Variants in ALK observed in about 807,000 individuals in gnomAD.
ALK encodes the protein ALK tyrosine kinase receptor.
In ALK, 74 loss-of-function variants were observed where a neutral mutation model predicts 163.1. That is an observed-to-expected ratio of 0.45 (90% CI 0.38 to 0.55). The LOEUF is 0.55. Ranked by LOEUF, ALK falls within the 20% of genes least tolerant of loss-of-function variation. The pLI is 0.00. For synonymous variants in ALK, 960 were observed against 843.2 expected (o/e 1.14, Z -2.40); for missense variants, 2,063 against 2,105.3 (o/e 0.98, Z 0.39).
At chr2:29,871,072 G>T (rs151306663) in intron 1 of ALK, among the ~76,000 whole-genome samples, 1 of 152,220 alleles carries the variant, frequency 6.6e-6, no homozygotes, top group African/African-American at 2.4e-5. Context: ...TGTGGGGACA[G>T]AAATGTCTGG....
intron 3 of ALK, among the ~76,000 whole-genome samples, chr2:29,586,264 T>A (rs928323459): frequency 6.6e-6 from 1 of 152,126 alleles, no homozygotes; most frequent in Non-Finnish European, 1.5e-5. Flanking sequence ...ATGTGAGGCT[T>A]TCATACATAT....
At chr2:29,505,944 C>T (rs945467653) in intron 4 of ALK, among the ~76,000 whole-genome samples, 5 of 152,126 alleles carry the variant, frequency 3.3e-5, no homozygotes, top group Admixed American at 6.6e-5. Flanking sequence ...CACATGGACT[C>T]GTGCAGCAAT....
At chr2:29,862,497 A>G (rs1666321560) in intron 1 of ALK, among the ~76,000 whole-genome samples, 1 of 152,168 alleles carries the variant, frequency 6.6e-6, no homozygotes, top group Non-Finnish European at 1.5e-5. Flanking sequence ...TCTATATACT[A>G]ATAATGAACT....
rs1167680611 is a variant in ALK, at chr2:29,921,522, C to T, written c.-863G>A. On this transcript the variant is annotated 5_prime_UTR_variant, in exon 1 of 29. Transcript: ENST00000389048. Reference sequence around the variant, plus strand: ...CCTCGGTGCCCCGCGACCCTCCGAACAGAGGCGGCGGGAGGTACCAGCTGC... The same window carrying T: ...CCTCGGTGCCCCGCGACCCTCCGAATAGAGGCGGCGGGAGGTACCAGCTGC... The T allele has an allele frequency of 4.3e-6, 1 of 231,870 alleles. No homozygotes were observed. Among genetic ancestry groups the T allele is most frequent in the Non-Finnish European group, 8.5e-6 (1 of 117,148 alleles). The allele number at this position is 231,870 out of a possible 1,614,324, so 14.4% of individuals were successfully genotyped here.
intron 18 of ALK, among the ~76,000 whole-genome samples, chr2:29,225,918 C>A (rs747994074): frequency 3.3e-5 from 5 of 152,082 alleles, no homozygotes; most frequent in South Asian, 4.2e-4. Flanking sequence ...CAACAGGGTG[C>A]GCTGTAAGTA....
chr2:29,438,526 A>G (rs1670459171), intron 4 of ALK, among the ~76,000 whole-genome samples: 1 of 152,256 alleles, frequency 6.6e-6, no homozygotes, highest in South Asian at 2.1e-4. Context: ...GACAAGTTTA[A>G]TATTTTTTTA....
chr2:29,351,574 A>G (rs551496284), intron 5 of ALK, among the ~76,000 whole-genome samples: 1 of 152,328 alleles, frequency 6.6e-6, no homozygotes, highest in African/African-American at 2.4e-5. Flanking sequence ...GACTGGCCAC[A>G]CCTGTGACTT....
intron 1 of ALK, among the ~76,000 whole-genome samples, chr2:29,856,969 G>A (rs1187125147): frequency 6.6e-6 from 1 of 152,202 alleles, no homozygotes; most frequent in Non-Finnish European, 1.5e-5. Context: ...TTAGTTGTCT[G>A]TGTGTAAGTG....
At chr2:29,746,244 G>A (rs560955603) in intron 1 of ALK, among the ~76,000 whole-genome samples, 1 of 152,078 alleles carries the variant, frequency 6.6e-6, no homozygotes, top group South Asian at 2.1e-4. Flanking sequence ...GCCAACTATG[G>A]GTTTCTTTAA....
At chr2:29,467,769 G>C (rs1344734509) in intron 4 of ALK, among the ~76,000 whole-genome samples, 1 of 152,110 alleles carries the variant, frequency 6.6e-6, no homozygotes, top group Non-Finnish European at 1.5e-5. Flanking sequence ...GTTTTCCAGA[G>C]GCTACCTGAC....
At chr2:29,536,023 T>C (rs1313131431) in intron 3 of ALK, among the ~76,000 whole-genome samples, 1 of 152,172 alleles carries the variant, frequency 6.6e-6, no homozygotes. Context: ...AGGGCTCCTG[T>C]ACTAGCATCA....
chr2:29,563,891 C>T (rs1674096833), intron 3 of ALK, among the ~76,000 whole-genome samples: 1 of 152,194 alleles, frequency 6.6e-6, no homozygotes, highest in Non-Finnish European at 1.5e-5. Context: ...TGACCAAGGG[C>T]AAAGAAGTTA....
At chr2:29,780,459 A>G (rs1223766451) in intron 1 of ALK, among the ~76,000 whole-genome samples, 1 of 152,248 alleles carries the variant, frequency 6.6e-6, no homozygotes, top group African/African-American at 2.4e-5. Flanking sequence ...AGAACTGAGC[A>G]TGGAACAAAA....
chr2:29,758,084 C>A (rs1436557383), intron 1 of ALK, among the ~76,000 whole-genome samples: 2 of 145,852 alleles, frequency 1.4e-5, no homozygotes, highest in Non-Finnish European at 3.0e-5. Flanking sequence ...GATCTTGGCT[C>A]ACTGCAACCT....
At chr2:29,471,008 T>C (rs1671334630) in intron 4 of ALK, among the ~76,000 whole-genome samples, 1 of 152,166 alleles carries the variant, frequency 6.6e-6, no homozygotes, top group Admixed American at 6.5e-5. Flanking sequence ...AGATATACTC[T>C]AATGGTCACT....
At chr2:29,560,615 A>T (rs1673994000) in intron 3 of ALK, among the ~76,000 whole-genome samples, 1 of 150,656 alleles carries the variant, frequency 6.6e-6, no homozygotes, top group African/African-American at 2.5e-5. Flanking sequence ...TCTGTTGCCC[A>T]GGCTGGAGTG....
chr2:29,522,884 A>T (rs1277656296), intron 4 of ALK, among the ~76,000 whole-genome samples: 1 of 152,196 alleles, frequency 6.6e-6, no homozygotes, highest in Non-Finnish European at 1.5e-5. Context: ...GGAAGAAGAT[A>T]CTACCAGAGA....
At chr2:29,585,220 T>A (rs1258915261) in intron 3 of ALK, among the ~76,000 whole-genome samples, 1 of 152,266 alleles carries the variant, frequency 6.6e-6, no homozygotes, top group East Asian at 1.9e-4. Flanking sequence ...AAAAAATTTT[T>A]AACATTTACT....
At chr2:29,523,237 C>T (rs1481681927) in intron 4 of ALK, among the ~76,000 whole-genome samples, 2 of 152,192 alleles carry the variant, frequency 1.3e-5, no homozygotes, top group Non-Finnish European at 2.9e-5. Flanking sequence ...TCTCATCATC[C>T]ACCTGACACC....
Sources: gnomAD v4.1 joint callset for allele counts (sites outside exome capture counted in the v4.1 genomes callset) on GRCh38, gnomAD v4.1.1 for gene constraint, MANE v1.5 for transcripts, NCBI Gene and HGNC (gene_info 2026-07-23, HGNC 2026-07-21) for gene names.